The following JARID2 variants were observed in gnomAD, a reference collection of about 807,000 sequenced individuals.
JARID2 encodes protein Jumonji.
JARID2 carries 21 observed loss-of-function variants against 125.6 expected under a neutral mutation model. The ratio of observed to expected loss-of-function variants is 0.17; its 90% CI spans 0.12 to 0.24. The LOEUF (loss-of-function observed/expected upper bound fraction) is 0.24. JARID2 is among the 10% of genes least tolerant of loss of function. The probability of loss-of-function intolerance (pLI) is 1.00; values close to 1 mark genes in which losing one functional copy is unlikely to be tolerated. For missense variants in JARID2, 1,303 were observed against 1,639.6 expected, an observed-to-expected ratio of 0.79 and a Z score of 3.55; for synonymous variants, 736 against 661.6, an observed-to-expected ratio of 1.11 and a Z score of -1.73.
At chr6:15,466,499 C>T (rs555972214) in intron 4 of JARID2, among the ~76,000 whole-genome samples, 1 of 152,248 alleles carries the variant, frequency 6.6e-6, no homozygotes, top group East Asian at 1.9e-4. Context: ...CTAAAACTTA[C>T]AAGTTCTCTC....
rs1039686045 is a variant in JARID2, at chr6:15,510,142, G to A, written c.2847-1154G>A. 1.1e-4 allele frequency among the ~76,000 whole-genome samples: 17 copies of A among 152,104 alleles called. 2 individuals are homozygous for A. Among genetic ancestry groups the A allele is most frequent in the Admixed American group, 6.5e-5 (1 of 15,282 alleles). On this transcript the variant is annotated intron_variant, in intron 12 of 17. Coordinates refer to ENST00000341776, the MANE Select transcript of JARID2 (RefSeq NM_004973.4). The stretch of plus-strand genomic sequence containing the variant: ...GCGGGGGCTGTGGGGAGGGGCTGGC[G>A]GTGTTGCCCTGAGCTGCTGGCCCAC...
chr6:15,495,335 G>T (rs1770362271), intron 6 of JARID2, among the ~76,000 whole-genome samples: 1 of 152,204 alleles, frequency 6.6e-6, no homozygotes, highest in Non-Finnish European at 1.5e-5. Flanking sequence ...TTTGTCCAGG[G>T]TGGAAGATAC....
chr6:15,249,025 C>G, intron 1 of JARID2: 2 of 905,676 alleles, frequency 2.2e-6, no homozygotes, highest in Non-Finnish European at 2.6e-6. Context: ...TCTGATGCCA[C>G]TTGGGAAGCG....
chr6:15,281,798 C>T (rs1259514771), intron 1 of JARID2, among the ~76,000 whole-genome samples: 1 of 152,212 alleles, frequency 6.6e-6, no homozygotes, highest in Non-Finnish European at 1.5e-5. Flanking sequence ...AGGAGGCACT[C>T]AGTAGACCTT....
intron 3 of JARID2, among the ~76,000 whole-genome samples, chr6:15,439,716 A>C (rs765340639): frequency 6.6e-6 from 1 of 152,168 alleles, no homozygotes; most frequent in Non-Finnish European, 1.5e-5. Flanking sequence ...GTTTCCGGAA[A>C]CTGAGTGGGG....
At chr6:15,460,819 C>G (rs1351706832) in intron 4 of JARID2, among the ~76,000 whole-genome samples, 1 of 152,202 alleles carries the variant, frequency 6.6e-6, no homozygotes, top group Non-Finnish European at 1.5e-5. Flanking sequence ...ATTCTCCTGT[C>G]TCAGCATCCT....
chr6:15,459,385 T>C (rs1768339398), intron 4 of JARID2, among the ~76,000 whole-genome samples: 2 of 152,236 alleles, frequency 1.3e-5, no homozygotes, highest in Admixed American at 1.3e-4. Context: ...AAATGCTGTG[T>C]AAATTTGTTA....
rs1333230911 is a variant in JARID2 at position 15,246,091 on chromosome 6, C to G, written c.-449C>G. Among the ~76,000 whole-genome samples the G allele has an allele frequency of 6.6e-6, 1 of 152,246 alleles. No individual in the cohort carries two copies. The highest frequency in any genetic ancestry group is 1.5e-5 in the Non-Finnish European group (1 of 68,050). Reference sequence around the variant, plus strand: ...GCTGGAGTTGACTCTTCTGCTCGCACTGCTGCTGCAGCACAAACGTGACTT... The same window carrying G: ...GCTGGAGTTGACTCTTCTGCTCGCAGTGCTGCTGCAGCACAAACGTGACTT... On this transcript the variant is annotated 5_prime_UTR_variant, in exon 1 of 18. Transcript: ENST00000341776.
intron 6 of JARID2, among the ~76,000 whole-genome samples, chr6:15,494,031 C>T (rs957233403): frequency 6.6e-6 from 1 of 152,086 alleles, no homozygotes; most frequent in Non-Finnish European, 1.5e-5. Context: ...CCTGGGTCTT[C>T]GCTTCTGCCT....
intron 1 of JARID2, chr6:15,369,196 A>T: frequency 9.9e-6 from 3 of 303,364 alleles, no homozygotes; most frequent in African/African-American, 2.1e-5. Flanking sequence ...TTTGTCTTTT[A>T]GTAAAAAGAC....
At chr6:15,324,622 G>GT (rs1336525541) in intron 1 of JARID2, 3 of 150,584 alleles carry the variant, frequency 2.0e-5, no homozygotes, top group Non-Finnish European at 4.4e-5. Flanking sequence ...TACTACAGGC[G>GT]TGCACCACCA....
intron 3 of JARID2, among the ~76,000 whole-genome samples, chr6:15,428,421 T>G (rs907357538): frequency 1.3e-5 from 2 of 152,010 alleles, no homozygotes; most frequent in African/African-American, 4.8e-5. Flanking sequence ...CCCTCCACCC[T>G]CCCGCCACCC....
chr6:15,391,073 C>T (rs894355070), intron 2 of JARID2, among the ~76,000 whole-genome samples: 5 of 152,136 alleles, frequency 3.3e-5, no homozygotes, highest in Admixed American at 2.6e-4. Flanking sequence ...ATACAGTACC[C>T]CGTGACTTCC....
intron 1 of JARID2, among the ~76,000 whole-genome samples, chr6:15,287,073 C>T (rs1353213207): frequency 1.3e-5 from 2 of 152,104 alleles, no homozygotes; most frequent in African/African-American, 2.4e-5. Context: ...TTGCGGTCAG[C>T]CCAGATGGCG....
chr6:15,492,554 C>G (rs142185174), intron 6 of JARID2, among the ~76,000 whole-genome samples: 2 of 152,302 alleles, frequency 1.3e-5, no homozygotes, highest in African/African-American at 4.8e-5. Context: ...AAGTCCAGGC[C>G]AGGAAAAGGG....
chr6:15,487,418 G>T lies in JARID2; in HGVS notation c.782G>T (p.Arg261Leu). Reference sequence around the variant, plus strand: ...CACAGCGATCACCGGGCTGACAGCCGCCGGGAGCAGGCTTCAGCTAACCAC... The same window carrying T: ...CACAGCGATCACCGGGCTGACAGCCTCCGGGAGCAGGCTTCAGCTAACCAC... Reference protein sequence around the residue: ...EKHSDHRADSRREQASANHPA... With the variant: ...EKHSDHRADSLREQASANHPA... Residue 261 changes from arginine (R) to leucine (L), a missense_variant, in exon 6 of 18, where the codon CGC (arginine) becomes CTC (leucine). Transcript: ENST00000341776. 1 of 1,614,240 alleles carries T rather than the reference G, an allele frequency of 6.2e-7. No homozygotes were observed. The highest frequency in any genetic ancestry group is 8.5e-7 in the Non-Finnish European group (1 of 1,180,046).
rs895441851 is a variant in JARID2, at chr6:15,250,877, A to C, written c.45+4293A>C. Among the ~76,000 whole-genome samples, 4 of 151,942 alleles carry C rather than the reference A, an allele frequency of 2.6e-5. No individual in the cohort carries two copies. The East Asian group carries it at 7.7e-4, about 29-fold the overall frequency. On this transcript the variant is annotated intron_variant, in intron 1 of 17. Coordinates refer to ENST00000341776, the MANE Select transcript of JARID2 (RefSeq NM_004973.4). ...AACTTTCCTCCTTCAGAACAAGACA[A>C]TCTTTTGGAGTATATAATTGGTGTC...
At chr6:15,415,536 CA>C in intron 3 of JARID2, among the ~76,000 whole-genome samples, 1 of 126,678 alleles carries the variant, frequency 7.9e-6, no homozygotes, top group Non-Finnish European at 1.7e-5. Context: ...AGGCGCCCCT[CA>C]CCTCCCGGGC....
At chr6:15,494,813 C>T (rs1770331982) in intron 6 of JARID2, among the ~76,000 whole-genome samples, 1 of 152,186 alleles carries the variant, frequency 6.6e-6, no homozygotes, top group Non-Finnish European at 1.5e-5. Context: ...CCCCATGTGA[C>T]AGCAGCCTGC....
Sources: gnomAD v4.1 joint callset for allele counts (sites outside exome capture counted in the v4.1 genomes callset) on GRCh38, gnomAD v4.1.1 for gene constraint, MANE v1.5 for transcripts, NCBI Gene and HGNC (gene_info 2026-07-23, HGNC 2026-07-21) for gene names.